VPS13C: variants seen among roughly 807,000 people sequenced by gnomAD.
VPS13C encodes intermembrane lipid transfer protein VPS13C.
Under a neutral mutation model 456.8 loss-of-function variants are expected in VPS13C, and 358 were observed. The ratio of observed to expected loss-of-function variants is 0.78; its 90% CI spans 0.72 to 0.86. VPS13C has a LOEUF of 0.86. Among genes scored for constraint, VPS13C ranks in the 40% least tolerant of loss-of-function variants. The pLI is 0.00. For synonymous variants in VPS13C, 1,578 were observed against 1,486.7 expected, an observed-to-expected ratio of 1.06 and a Z score of -1.41; for missense variants, 4,818 against 4,385.4, an observed-to-expected ratio of 1.10 and a Z score of -2.79.
intron 67 of VPS13C, 34 bp from the exon 68 acceptor site, chr15:61,884,303 A>AT: frequency 1.3e-6 from 2 of 1,599,702 alleles, no homozygotes; most frequent in Non-Finnish European, 1.7e-6. Flanking sequence ...TAAATTAGCA[A>AT]TATGTATTTA....
At chr15:61,872,622 T>A (rs1895118839) in intron 78 of VPS13C, among the ~76,000 whole-genome samples, 1 of 152,124 alleles carries the variant, frequency 6.6e-6, no homozygotes, top group African/African-American at 2.4e-5. Flanking sequence ...TTAATCATTA[T>A]GAAGTAATGG....
intron 59 of VPS13C, 141 bp from the exon 60 acceptor site, chr15:61,917,776 TAA>T: frequency 1.1e-6 from 1 of 951,278 alleles, no homozygotes; most frequent in Non-Finnish European, 1.5e-6. Context: ...AAACCAGGGC[TAA>T]AAAAAAGGTT....
At chr15:61,880,816 T>A (rs776667724) in intron 72 of VPS13C, 27 bp downstream of exon 72, 13 of 1,572,150 alleles carry the variant, frequency 8.3e-6, no homozygotes, top group Non-Finnish European at 1.1e-5. Flanking sequence ...TAATTTTATA[T>A]TTTCCCCAAG....
chr15:61,983,797 A>C (rs757344768), intron 20 of VPS13C, 23 bp downstream of exon 20: 1 of 1,605,960 alleles, frequency 6.2e-7, no homozygotes, highest in Non-Finnish European at 8.5e-7. Flanking sequence ...TTAAATAAAG[A>C]GTTACTTTCT....
rs77681901 is a variant in VPS13C, at chr15:61,866,376, G to A, written c.10863+2283C>T. The A allele has an allele frequency of 2.5e-3, 2,487 of 983,266 alleles. 43 individuals are homozygous for A. In the African/African-American group the frequency reaches 0.04, roughly 16 times the overall value. 60.9% of individuals were successfully genotyped at this position (983,266 alleles called of 1,614,324 possible). On this transcript the variant is annotated intron_variant, in intron 81 of 84. Transcript: ENST00000644861. ...TCTTGAAGTTTTGTGCTTTTTGACA[G>A]AGAGTTATAAAAAGATATCACAAGG...
rs563928680 is a variant in VPS13C, at chr15:61,977,045, T to A, written c.2408+37A>T. The stretch of plus-strand genomic sequence containing the variant: ...GCAACTGATGCAGACATATTTCACC[T>A]GTTGATTTTCTAATATAAAAGAAGT... On this transcript the variant is annotated intron_variant, in intron 24 of 84. Transcript: ENST00000644861. 2.1e-6 allele frequency: 3 copies of A among 1,418,730 alleles called. No homozygotes were observed. In the East Asian group the frequency reaches 7.1e-5, roughly 34 times the overall value. 87.9% of individuals were successfully genotyped at this position (1,418,730 alleles called of 1,614,324 possible).
At chr15:61,892,171 C>T (rs1398786020) in intron 66 of VPS13C, among the ~76,000 whole-genome samples, 1 of 152,230 alleles carries the variant, frequency 6.6e-6, no homozygotes, top group Non-Finnish European at 1.5e-5. Flanking sequence ...AGGGAGGCTA[C>T]AGACAAAGAG....
At position 61,991,682 on chromosome 15, in the gene VPS13C, T is replaced by TTACTTA; in HGVS notation, c.1473_1474insTAAGTA (p.Leu491_Ile492insTer). The TTACTTA allele has an allele frequency of 1.9e-6, 3 of 1,611,704 alleles. No individual in the cohort carries two copies. Among genetic ancestry groups the TTACTTA allele is most frequent in the Non-Finnish European group, 2.5e-6 (3 of 1,178,844 alleles). ...TTGACTTGGAACTTACTTTCAGGAA[T>TTACTTA]CAATGATTCTTCGTCCTTTTTCTTA... On this transcript the variant is annotated stop_gained and inframe_insertion, in exon 17 of 85. Coordinates refer to ENST00000644861, the MANE Select transcript of VPS13C (RefSeq NM_020821.3). LOFTEE classifies it high-confidence loss of function.
intron 1 of VPS13C, among the ~76,000 whole-genome samples, chr15:62,047,890 C>T (rs1322982781): frequency 6.6e-6 from 1 of 152,146 alleles, no homozygotes; most frequent in Non-Finnish European, 1.5e-5. Flanking sequence ...TTATATTTAA[C>T]TGAATACCGA....
Position 61,961,771 on chromosome 15 carries a change from A to G in VPS13C, c.3726T>C (p.Asn1242=), listed in dbSNP as rs1375604213. ...LAQRSFRVSI[N]IDLKAPVIVI... is the part of the protein sequence containing the mutation. ...CTATAACCGGTGCTTTCAAATCAAT[A>G]TTGATGGAAACACGAAAACTCCTCT... Residue 1242 remains asparagine, a synonymous_variant, in exon 35 of 85, where the codon AAT becomes AAC. Coordinates refer to ENST00000644861, the MANE Select transcript of VPS13C (RefSeq NM_020821.3). The G allele has an allele frequency of 6.2e-7, 1 of 1,614,038 alleles. No homozygotes were observed.
intron 16 of VPS13C, among the ~76,000 whole-genome samples, chr15:61,999,102 G>C (rs1048355291): frequency 6.6e-6 from 1 of 152,162 alleles, no homozygotes; most frequent in Admixed American, 6.5e-5. Flanking sequence ...ACACAGGCCA[G>C]GCACGGTGGC....
intron 16 of VPS13C, among the ~76,000 whole-genome samples, chr15:61,992,570 T>G (rs1413804165): frequency 6.6e-6 from 1 of 151,894 alleles, no homozygotes; most frequent in East Asian, 1.9e-4. Context: ...AAGTAAAGAG[T>G]TGAATTCTAT....
Position 61,868,642 on chromosome 15 carries a change from TGAA to T in VPS13C, c.10863+14_10863+16del. The T allele has an allele frequency of 6.2e-7, 1 of 1,609,896 alleles. No homozygotes were observed. The highest frequency in any genetic ancestry group is 1.1e-5 in the South Asian group (1 of 90,886). The stretch of plus-strand genomic sequence containing the variant: ...TAAAATTCCATTTCACTCGTGACCA[TGAA>T]GAACAAAATTTACCTCAAGTAAGTC... On this transcript the variant is annotated intron_variant, in intron 81 of 84. Coordinates refer to ENST00000644861, the MANE Select transcript of VPS13C (RefSeq NM_020821.3).
chr15:61,966,326 G>A (rs1053114495), intron 29 of VPS13C, among the ~76,000 whole-genome samples, 184 bp from the exon 30 acceptor site: 2 of 151,680 alleles, frequency 1.3e-5, no homozygotes, highest in African/African-American at 4.8e-5. Flanking sequence ...TAGTGCAAAT[G>A]TGTTCTCCTC....
chr15:61,983,148 T>C (rs1184028050), intron 20 of VPS13C, among the ~76,000 whole-genome samples: 1 of 152,140 alleles, frequency 6.6e-6, no homozygotes, highest in Non-Finnish European at 1.5e-5. Flanking sequence ...TTATAAAATA[T>C]AAGGAGTTCT....
intron 66 of VPS13C, among the ~76,000 whole-genome samples, chr15:61,898,243 C>T (rs887710493): frequency 4.0e-5 from 6 of 151,652 alleles, no homozygotes; most frequent in African/African-American, 1.5e-4. Flanking sequence ...ATCAAATTCA[C>T]ATATAACAAT....
chr15:61,906,022 T>C (rs2043142743), intron 66 of VPS13C, among the ~76,000 whole-genome samples: 1 of 152,192 alleles, frequency 6.6e-6, no homozygotes, highest in Admixed American at 6.6e-5. Flanking sequence ...TATAACTACC[T>C]TCTGAATCAA....
At chr15:61,950,311 A>C in intron 41 of VPS13C, 47 bp downstream of exon 41, 1 of 1,390,972 alleles carries the variant, frequency 7.2e-7, no homozygotes. Context: ...ATGAAGCTAG[A>C]TATAATCAAC....
At chr15:61,949,320 G>A in intron 42 of VPS13C, 123 bp downstream of exon 42, 4 of 1,152,630 alleles carry the variant, frequency 3.5e-6, no homozygotes, top group Non-Finnish European at 4.9e-6. Context: ...TCTTTCTCTT[G>A]AAACTAACCT....
Sources: gnomAD v4.1 joint callset for allele counts (sites outside exome capture counted in the v4.1 genomes callset) on GRCh38, gnomAD v4.1.1 for gene constraint, MANE v1.5 for transcripts, NCBI Gene and HGNC (gene_info 2026-07-23, HGNC 2026-07-21) for gene names.